HIVEP1: variants seen among roughly 807,000 people sequenced by gnomAD.
HIVEP1 encodes HIVEP zinc finger 1.
A neutral mutation model predicts 180.0 loss-of-function variants in HIVEP1; 36 were observed. The ratio of observed to expected loss-of-function variants is 0.20; its 90% CI spans 0.15 to 0.26. The LOEUF is 0.26. Among genes scored for constraint, HIVEP1 ranks in the 10% least tolerant of loss-of-function variants. The pLI, the probability that HIVEP1 is intolerant of heterozygous loss-of-function variation, is 1.00. For missense variants in HIVEP1, 3,143 were observed against 3,268.7 expected, an observed-to-expected ratio of 0.96 and a Z score of 0.94; for synonymous variants, 1,239 against 1,239.0, an observed-to-expected ratio of 1.00 and a Z score of 0.00.
chr6:12,134,884 T>A (rs1227675226), intron 6 of HIVEP1, among the ~76,000 whole-genome samples: 3 of 152,236 alleles, frequency 2.0e-5, no homozygotes. Flanking sequence ...GAAATGAAAT[T>A]AATACAGGAA....
At chr6:12,062,494 C>T (rs536576758) in intron 2 of HIVEP1, among the ~76,000 whole-genome samples, 26 of 152,194 alleles carry the variant, frequency 1.7e-4, no homozygotes, top group African/African-American at 6.0e-4. Flanking sequence ...TACATCTATT[C>T]AGCAAGGAAG....
At chr6:12,184,010 T>C in the HIVEP1 span, among the ~76,000 whole-genome samples, 1 of 141,544 alleles carries the variant, frequency 7.1e-6, no homozygotes, top group Non-Finnish European at 1.5e-5. Flanking sequence ...GATAGATAGA[T>C]AGATAGATAG....
At chr6:12,107,045 CTT>C (rs1774473451) in intron 3 of HIVEP1, among the ~76,000 whole-genome samples, 1 of 152,162 alleles carries the variant, frequency 6.6e-6, no homozygotes. Flanking sequence ...TCTATGTCCT[CTT>C]AACTTTTTTG....
At chr6:12,201,997 A>G in the HIVEP1 span, among the ~76,000 whole-genome samples, 1 of 152,170 alleles carries the variant, frequency 6.6e-6, no homozygotes, top group African/African-American at 2.4e-5. Context: ...TTCCCTCTAC[A>G]TTTAAGAAAT....
intron 3 of HIVEP1, among the ~76,000 whole-genome samples, chr6:12,116,109 T>G (rs1211067398): frequency 6.6e-6 from 1 of 152,150 alleles, no homozygotes; most frequent in Non-Finnish European, 1.5e-5. Flanking sequence ...CTCTTGACTA[T>G]GTTGTAGATA....
chr6:12,200,561 G>C, the HIVEP1 span, among the ~76,000 whole-genome samples: 1 of 152,220 alleles, frequency 6.6e-6, no homozygotes, highest in Non-Finnish European at 1.5e-5. Flanking sequence ...TGTGGGGCAG[G>C]CTTTGAAAAA....
At chr6:12,173,634 CT>C in the HIVEP1 span, among the ~76,000 whole-genome samples, 3 of 152,064 alleles carry the variant, frequency 2.0e-5, no homozygotes, top group Admixed American at 6.6e-5. Context: ...AATTAGATAA[CT>C]TTTATGATGT....
the HIVEP1 span, among the ~76,000 whole-genome samples, chr6:12,174,288 A>C: frequency 6.6e-6 from 1 of 152,210 alleles, no homozygotes; most frequent in East Asian, 1.9e-4. Context: ...AATTTCAAAA[A>C]ATATGTCTAT....
chr6:12,124,524 C>T lies in HIVEP1; in HGVS notation c.4729C>T (p.Pro1577Ser). The change falls in exon 4 of 9, where the codon CCT (proline) becomes TCT (serine). Residue 1577 changes from proline to serine, a missense_variant. Physicochemically the swap from Pro to Ser is moderately conservative, Grantham distance 74. This residue lies in a region of HIVEP1 where 1,357 missense variants were observed against 1,260.5 expected (regional missense o/e 1.08). Transcript: ENST00000379388. ...TTCAGGCCCATCTTGCTCTTCTAAT[C>T]CTGTGCATTCTTTGCCAAATCAAGT... ...FTSGPSCSSN[P>S]VHSLPNQVIS... is the part of the protein sequence containing the mutation. 6.2e-7 allele frequency: 1 copy of T among 1,614,148 alleles called. No individual in the cohort carries two copies. The highest frequency in any genetic ancestry group is 8.5e-7 in the Non-Finnish European group (1 of 1,180,010).
intron 7 of HIVEP1, among the ~76,000 whole-genome samples, chr6:12,146,161 G>A (rs886552216): frequency 2.6e-5 from 4 of 152,096 alleles, no homozygotes; most frequent in Admixed American, 6.6e-5. Flanking sequence ...AGATATAGTC[G>A]GCCGGGTGCA....
the HIVEP1 span, among the ~76,000 whole-genome samples, chr6:12,207,426 C>G: frequency 2.0e-5 from 3 of 152,124 alleles, no homozygotes; most frequent in African/African-American, 7.2e-5. Context: ...TTGATCTCTT[C>G]TCCTAGATTA....
chr6:12,151,091 T>C (rs1759676472), intron 7 of HIVEP1, among the ~76,000 whole-genome samples: 1 of 152,214 alleles, frequency 6.6e-6, no homozygotes, highest in Admixed American at 6.5e-5. Flanking sequence ...TAATAACTTT[T>C]AAAATTTATC....
the HIVEP1 span, among the ~76,000 whole-genome samples, chr6:12,198,358 G>A: frequency 1.4e-4 from 22 of 152,282 alleles, no homozygotes; most frequent in East Asian, 3.1e-3. Flanking sequence ...TTGTTAAAAT[G>A]GGGAATCTTG....
the HIVEP1 span, among the ~76,000 whole-genome samples, chr6:12,170,130 A>AT: frequency 1.3e-5 from 2 of 151,784 alleles, no homozygotes; most frequent in African/African-American, 4.9e-5. Flanking sequence ...CAAAAAGAAA[A>AT]AAAAAACTTT....
chr6:12,033,322 A>ATGTG (rs58465582), intron 2 of HIVEP1, among the ~76,000 whole-genome samples: 24,086 of 148,776 alleles, frequency 0.16, 1,968 homozygotes, highest in East Asian at 0.23. Flanking sequence ...GTAGAGGAGC[A>ATGTG]TGTGTGTGTG....
intron 3 of HIVEP1, among the ~76,000 whole-genome samples, chr6:12,092,910 A>G (rs1288602667): frequency 6.6e-6 from 1 of 152,178 alleles, no homozygotes; most frequent in Non-Finnish European, 1.5e-5. Flanking sequence ...CTGAACTCGC[A>G]AGCAAAGTGA....
intron 7 of HIVEP1, among the ~76,000 whole-genome samples, chr6:12,145,883 T>C (rs577115565): frequency 6.6e-6 from 1 of 152,298 alleles, no homozygotes; most frequent in East Asian, 1.9e-4. Context: ...AACAGTTGTT[T>C]ATTGAATTAC....
the HIVEP1 span, among the ~76,000 whole-genome samples, chr6:12,205,718 A>G: frequency 6.6e-6 from 1 of 152,250 alleles, no homozygotes; most frequent in Non-Finnish European, 1.5e-5. Flanking sequence ...TTAAGTGTAC[A>G]AAATGAATGG....
intron 2 of HIVEP1, among the ~76,000 whole-genome samples, chr6:12,051,588 TAATTA>T (rs1289000888): frequency 6.6e-6 from 1 of 151,896 alleles, no homozygotes; most frequent in Non-Finnish European, 1.5e-5. Flanking sequence ...TATTTCACCC[TAATTA>T]AATATAATAT....
Sources: gnomAD v4.1 joint callset for allele counts (sites outside exome capture counted in the v4.1 genomes callset) on GRCh38, gnomAD v4.1.1 for gene constraint, gnomAD v4.1.1 regional missense constraint, MANE v1.5 for transcripts, NCBI Gene and HGNC (gene_info 2026-07-23, HGNC 2026-07-21) for gene names.